OTUD6B: variants seen among roughly 807,000 people sequenced by gnomAD.
OTUD6B encodes OTU deubiquitinase 6B.
A neutral mutation model predicts 36.9 loss-of-function variants in OTUD6B; 41 were observed. The ratio of observed to expected loss-of-function variants is 1.11; its 90% confidence interval spans 0.87 to 1.44. The LOEUF is 1.44. OTUD6B is among the 40% of genes most tolerant of loss of function. OTUD6B has a pLI of 0.00. For missense variants in OTUD6B, 356 were observed against 344.8 expected (o/e 1.03, Z -0.26); for synonymous variants, 114 against 114.2 (o/e 1.00, Z 0.01).
At chr8:91,075,659 A>G (rs1812790846) in intron 3 of OTUD6B, among the ~76,000 whole-genome samples, 1 of 152,090 alleles carries the variant, frequency 6.6e-6, no homozygotes, top group Non-Finnish European at 1.5e-5. Context: ...GGTAGAAAAA[A>G]TGCCCAAGTA....
intron 3 of OTUD6B, 51 bp downstream of exon 3, chr8:91,073,962 C>A (rs994616907): frequency 8.2e-7 from 1 of 1,216,902 alleles, no homozygotes; most frequent in Non-Finnish European, 1.2e-6. Flanking sequence ...GTGTTCAATA[C>A]TATCTTAGGT....
chr8:91,078,865 CTTAG>C (rs1563582114), intron 4 of OTUD6B, 197 bp downstream of exon 4: 11 of 425,528 alleles, frequency 2.6e-5, no homozygotes, highest in South Asian at 1.6e-4. Context: ...TTCTTAATTA[CTTAG>C]TTATTTTGTA....
intron 3 of OTUD6B, among the ~76,000 whole-genome samples, chr8:91,078,046 G>T (rs1445352769): frequency 1.2e-4 from 18 of 152,022 alleles, no homozygotes; most frequent in Admixed American, 1.2e-3. Context: ...AGTCTTAAGA[G>T]AATACTTTGA....
chr8:91,077,062 G>T (rs1028601851), intron 3 of OTUD6B, among the ~76,000 whole-genome samples: 1 of 151,978 alleles, frequency 6.6e-6, no homozygotes, highest in African/African-American at 2.4e-5. Flanking sequence ...CTAGTGTTAT[G>T]GAAGTCTTTA....
chr8:91,078,533 G>A lies in OTUD6B; in HGVS notation c.493G>A (p.Asp165Asn). 1.2e-6 allele frequency: 2 copies of A among 1,609,904 alleles called. No homozygotes were observed. The highest frequency in any genetic ancestry group is 1.1e-5 in the South Asian group (1 of 90,274). The change falls in exon 4 of 7, where the codon GAT becomes AAT. Residue 165 changes from aspartate (D) to asparagine (N), a missense_variant. Asp to Asn is a conservative substitution (Grantham distance 23). Coordinates refer to ENST00000404789, the MANE Select transcript of OTUD6B (RefSeq NM_016023.5). ...DGHCMYKAIE[D>N]QLKEKDCALT... ...CCACTGTATGTATAAAGCCATTGAAGATCAACTGAAAGAAAAGGATTGTGC... is the reference window on the plus strand; with the variant it reads ...CCACTGTATGTATAAAGCCATTGAAAATCAACTGAAAGAAAAGGATTGTGC...
chr8:91,083,938 C>G lies in OTUD6B; in HGVS notation c.691-70C>G, dbSNP rs1002268383. The G allele has an allele frequency of 2.6e-6, 4 of 1,532,630 alleles. No individual in the cohort carries two copies. In the African/African-American group the frequency reaches 5.6e-5, roughly 21 times the overall value. 94.9% of individuals were successfully genotyped at this position (1,532,630 alleles called of 1,614,324 possible). On this transcript the variant is annotated intron_variant, in intron 5 of 6. Transcript: ENST00000404789. ...AGCGTATCCCTGCTCTGACTGGTTGCCCGTTCACACATATTTGAATGTGAT... is the reference window on the plus strand; with the variant it reads ...AGCGTATCCCTGCTCTGACTGGTTGGCCGTTCACACATATTTGAATGTGAT...
chr8:91,078,361 G>T lies in OTUD6B; in HGVS notation c.321G>T (p.Lys107Asn). The T allele has an allele frequency of 6.4e-7, 1 of 1,562,974 alleles. No homozygotes were observed. Among genetic ancestry groups the T allele is most frequent in the East Asian group, 2.3e-5 (1 of 43,092 alleles). The change falls in exon 4 of 7, where the codon AAG becomes AAT. Residue 107 changes from lysine to asparagine, a missense_variant. By Grantham distance (94) the Lys-to-Asn change is moderately conservative. Transcript: ENST00000404789. ...ATGCATTCTGCTTTTCTTAGGAAAA[G>T]AAAGCTGCATTGGAAAAGGAGCGAG... is the stretch of plus-strand genomic sequence containing the variant. ...RISKAQKRREKKAALEKEREE... is the reference protein window; with the variant it reads ...RISKAQKRRENKAALEKEREE...
At chr8:91,083,323 T>C (rs977153709) in intron 5 of OTUD6B, among the ~76,000 whole-genome samples, 1 of 152,148 alleles carries the variant, frequency 6.6e-6, no homozygotes, top group Non-Finnish European at 1.5e-5. Context: ...GCTTGAGCAA[T>C]GGTATTTAAA....
At chr8:91,075,135 CTTTT>C (rs968442477) in intron 3 of OTUD6B, among the ~76,000 whole-genome samples, 2 of 152,028 alleles carry the variant, frequency 1.3e-5, no homozygotes, top group Middle Eastern at 3.4e-3. Context: ...AAAGCAATGT[CTTTT>C]TTTGTTTGCA....
At chr8:91,078,212 G>C in intron 3 of OTUD6B, 144 bp from the exon 4 acceptor site, 1 of 1,424,706 alleles carries the variant, frequency 7.0e-7, no homozygotes, top group Non-Finnish European at 9.1e-7. Context: ...GAAAATTCTT[G>C]AGATGATCAA....
rs1184444674 is a variant in OTUD6B at position 91,073,268 on chromosome 8, A to G, written c.235-563A>G. Among the ~76,000 whole-genome samples, 3 of 152,172 alleles carry G rather than the reference A, an allele frequency of 2.0e-5. No individual in the cohort carries two copies. The East Asian group carries it at 5.8e-4, about 29-fold the overall frequency. On this transcript the variant is annotated intron_variant, in intron 2 of 6. Transcript: ENST00000404789. ...TCTTTTTTTTTACTCTAGCAAACAC[A>G]CACTAGCCATTTAGGATTGATTATA... is the stretch of plus-strand genomic sequence containing the variant.
chr8:91,070,977 C>G, intron 1 of OTUD6B, 161 bp from the exon 2 acceptor site: 1 of 862,198 alleles, frequency 1.2e-6, no homozygotes, highest in Non-Finnish European at 1.4e-6. Flanking sequence ...TCAGCTTTAT[C>G]TGGGATCTTC....
Position 91,084,039 on chromosome 8 carries a change from C to T in OTUD6B, c.722C>T (p.Pro241Leu). 1.3e-6 allele frequency: 2 copies of T among 1,578,716 alleles called. No individual in the cohort carries two copies. The highest frequency in any genetic ancestry group is 1.8e-5 in the Admixed American group (1 of 55,112). ...GCTCTGTCTCACATTTTACAAACAC[C>T]AATAGAGATAATACAGGCAGATTCT... is the stretch of plus-strand genomic sequence containing the variant. ...LRALSHILQT[P>L]IEIIQADSPP... is the part of the protein sequence containing the mutation. Residue 241 changes from proline (P) to leucine (L), a missense_variant, in exon 6 of 7, where the codon CCA becomes CTA. Physicochemically the swap from Pro to Leu is moderately conservative, Grantham distance 98. Transcript: ENST00000404789.
In OTUD6B at chr8:91,086,496, G is replaced by T. The variant is rs1813018020; in HGVS notation, c.*1628G>T. On this transcript the variant is annotated 3_prime_UTR_variant, in exon 7 of 7. Transcript: ENST00000404789. The stretch of plus-strand genomic sequence containing the variant: ...AAATTGAAATTGTAAAACACTAAAT[G>T]CTTTGGGTTTATTTTGAAGTAATCT... 1 of 152,048 alleles carries T rather than the reference G, an allele frequency of 6.6e-6. No individual in the cohort carries two copies. The highest frequency in any genetic ancestry group is 2.1e-4 in the South Asian group (1 of 4,826). The allele number at this position is 152,048 out of a possible 1,614,324, so 9.4% of individuals were successfully genotyped here.
At chr8:91,071,369 T>C (rs1812694945) in intron 2 of OTUD6B, 80 bp downstream of exon 2, 1 of 1,165,740 alleles carries the variant, frequency 8.6e-7, no homozygotes, top group Non-Finnish European at 1.2e-6. Context: ...AACTGCTTTT[T>C]TTTTTTTTTT....
chr8:91,084,054 A>G lies in OTUD6B; in HGVS notation c.737A>G (p.Gln246Arg). 1 of 1,581,870 alleles carries G rather than the reference A, an allele frequency of 6.3e-7. No homozygotes were observed. Residue 246 changes from glutamine to arginine, a missense_variant, in exon 6 of 7, where the codon CAG (glutamine) becomes CGG (arginine). By Grantham distance (43) the Gln-to-Arg change is conservative. Coordinates refer to ENST00000404789, the MANE Select transcript of OTUD6B (RefSeq NM_016023.5). ...HILQTPIEII[Q>R]ADSPPIIVGE... is the part of the protein sequence containing the mutation. ...TTACAAACACCAATAGAGATAATAC[A>G]GGCAGATTCTCCTCCCATTATAGTT...
At chr8:91,077,767 T>A (rs1812829158) in intron 3 of OTUD6B, among the ~76,000 whole-genome samples, 1 of 152,062 alleles carries the variant, frequency 6.6e-6, no homozygotes, top group Non-Finnish European at 1.5e-5. Flanking sequence ...GAAGGATGCA[T>A]ACCAAACCTC....
intron 6 of OTUD6B, 53 bp downstream of exon 6, chr8:91,084,167 G>A: frequency 9.4e-7 from 1 of 1,066,184 alleles, no homozygotes; most frequent in African/African-American, 1.6e-5. Flanking sequence ...ATACAAAAAG[G>A]AATATTAAAA....
intron 3 of OTUD6B, 127 bp from the exon 4 acceptor site, chr8:91,078,229 A>G (rs78548998): frequency 1.1e-4 from 158 of 1,437,684 alleles, no homozygotes; most frequent in Non-Finnish European, 1.4e-4. Context: ...TCAATGTGAT[A>G]GTGTTTGTGC....
Sources: gnomAD v4.1 joint callset for allele counts (sites outside exome capture counted in the v4.1 genomes callset) on GRCh38, gnomAD v4.1.1 for gene constraint, MANE v1.5 for transcripts, NCBI Gene and HGNC (gene_info 2026-07-23, HGNC 2026-07-21) for gene names.